MCM10: variants seen among roughly 807,000 people sequenced by gnomAD.
MCM10 encodes protein MCM10 homolog.
MCM10 carries 91 observed loss-of-function variants against 109.9 expected under a neutral mutation model. That is an observed-to-expected ratio of 0.83 (90% CI 0.70 to 0.99). MCM10 has a LOEUF of 0.99. Among genes scored for constraint, MCM10 ranks in the 50% least tolerant of loss-of-function variants. MCM10 has a pLI of 0.00. For synonymous variants in MCM10, 380 were observed against 387.2 expected, an observed-to-expected ratio of 0.98 and a Z score of 0.22; for missense variants, 1,077 against 1,061.2, an observed-to-expected ratio of 1.01 and a Z score of -0.21.
At chr10:13,166,207 A>G (rs1333066545) in intron 2 of MCM10, among the ~76,000 whole-genome samples, 1 of 152,096 alleles carries the variant, frequency 6.6e-6, no homozygotes, top group Non-Finnish European at 1.5e-5. Flanking sequence ...GTGGGACCCA[A>G]TGTAAGAATG....
chr10:13,203,945 A>C (rs997121473), intron 17 of MCM10, among the ~76,000 whole-genome samples: 1 of 152,154 alleles, frequency 6.6e-6, no homozygotes, highest in Non-Finnish European at 1.5e-5. Context: ...TGTTGTCATC[A>C]TGGAACGTGT....
chr10:13,203,517 G>A (rs1183875119), intron 17 of MCM10, among the ~76,000 whole-genome samples: 4 of 152,088 alleles, frequency 2.6e-5, no homozygotes, highest in Admixed American at 6.6e-5. Context: ...GGGTGTGCAC[G>A]TTTTTTAGAG....
intron 13 of MCM10, among the ~76,000 whole-genome samples, chr10:13,192,795 T>C (rs1367182957): frequency 6.6e-6 from 1 of 151,786 alleles, no homozygotes; most frequent in Admixed American, 6.6e-5. Context: ...GTTATCACCA[T>C]GGAAAAGGGA....
At chr10:13,187,981 G>A (rs1407014379) in intron 9 of MCM10, among the ~76,000 whole-genome samples, 1 of 152,024 alleles carries the variant, frequency 6.6e-6, no homozygotes, top group Non-Finnish European at 1.5e-5. Flanking sequence ...CCCGTCTCCA[G>A]TAAAAATACA....
intron 15 of MCM10, among the ~76,000 whole-genome samples, chr10:13,198,283 C>A (rs1834449799): frequency 6.6e-6 from 1 of 152,064 alleles, no homozygotes; most frequent in South Asian, 2.1e-4. Context: ...CTCATTGGAT[C>A]TTTGTACATA....
At chr10:13,190,785 A>T (rs1397037222) in intron 10 of MCM10, among the ~76,000 whole-genome samples, 2 of 145,570 alleles carry the variant, frequency 1.4e-5, no homozygotes, top group African/African-American at 2.4e-5. Flanking sequence ...ATGAGATCAT[A>T]TTGTTCCTAT....
chr10:13,180,113 T>C (rs1208118204), intron 6 of MCM10, among the ~76,000 whole-genome samples: 1 of 152,042 alleles, frequency 6.6e-6, no homozygotes, highest in Admixed American at 6.5e-5. Context: ...CATTAGCACA[T>C]GATGGCACAT....
At chr10:13,197,807 G>C in intron 15 of MCM10, 40 bp downstream of exon 15, 1 of 1,582,974 alleles carries the variant, frequency 6.3e-7, no homozygotes, top group Non-Finnish European at 8.6e-7. Flanking sequence ...AAGAGAAACT[G>C]TTTCTAAGGG....
intron 2 of MCM10, among the ~76,000 whole-genome samples, chr10:13,165,704 A>G (rs1833987144): frequency 6.6e-6 from 1 of 151,918 alleles, no homozygotes; most frequent in African/African-American, 2.4e-5. Context: ...GTGAAACCCC[A>G]TTTCTACTAA....
At chr10:13,208,460 T>C (rs1346955055) in intron 18 of MCM10, among the ~76,000 whole-genome samples, 1 of 149,906 alleles carries the variant, frequency 6.7e-6, no homozygotes, top group Admixed American at 6.7e-5. Flanking sequence ...CTGGGCACAG[T>C]GGCTCACGCC....
intron 11 of MCM10, 25 bp downstream of exon 11, chr10:13,191,424 T>C (rs754448048): frequency 6.3e-7 from 1 of 1,586,996 alleles, no homozygotes; most frequent in Non-Finnish European, 8.7e-7. Context: ...CCATAAGAAA[T>C]TTCTTTCTCC....
chr10:13,209,579 C>A lies in MCM10; in HGVS notation c.*269C>A. Reference sequence around the variant, plus strand: ...ATTACTTCATTCACTGAAGTTTTTGCCCAAAAATTGGAAGGTAAACAGAGA... The same window carrying A: ...ATTACTTCATTCACTGAAGTTTTTGACCAAAAATTGGAAGGTAAACAGAGA... On this transcript the variant is annotated 3_prime_UTR_variant, in exon 20 of 20. Coordinates refer to ENST00000378714, the MANE Select transcript of MCM10 (RefSeq NM_018518.5). 2.0e-6 allele frequency: 1 copy of A among 490,144 alleles called. No homozygotes were observed. Among genetic ancestry groups the A allele is most frequent in the South Asian group, 2.6e-5 (1 of 38,456 alleles). 30.4% of individuals were successfully genotyped at this position (490,144 alleles called of 1,614,324 possible). A position where few individuals can be genotyped will look rare whatever the true frequency, so the allele number is the denominator to read the frequency against.
chr10:13,190,208 A>T (rs1420298867), intron 10 of MCM10, among the ~76,000 whole-genome samples: 1 of 152,220 alleles, frequency 6.6e-6, no homozygotes, highest in Non-Finnish European at 1.5e-5. Flanking sequence ...TCCAGCAGGA[A>T]TGGGGCAAGA....
In MCM10 at chr10:13,191,343, G is replaced by A; in HGVS notation, c.1460G>A (p.Ser487Asn). The A allele has an allele frequency of 3.7e-6, 6 of 1,614,130 alleles. No homozygotes were observed. Among genetic ancestry groups the A allele is most frequent in the Non-Finnish European group, 5.1e-6 (6 of 1,180,006 alleles). ...AAGAAGAAGATTCAAACCACTCTGAGTAATCTGGTTGTTAAGGGCACAAAC... is the reference window on the plus strand; with the variant it reads ...AAGAAGAAGATTCAAACCACTCTGAATAATCTGGTTGTTAAGGGCACAAAC... ...APKKKIQTTLSNLVVKGTNLI... is the reference protein window; with the variant it reads ...APKKKIQTTLNNLVVKGTNLI... The change falls in exon 11 of 20, where the codon AGT becomes AAT. Residue 487 changes from serine to asparagine, a missense_variant. By Grantham distance (46) the Ser-to-Asn change is conservative. Transcript: ENST00000378714.
At position 13,187,918 on chromosome 10, in the gene MCM10, G is replaced by A. The variant is rs371420558; in HGVS notation, c.1216-963G>A. Among the ~76,000 whole-genome samples the A allele has an allele frequency of 1.7e-3, 266 of 152,248 alleles. 1 individual carries two copies. The highest frequency in any genetic ancestry group is 5.9e-3 in the African/African-American group (246 of 41,536). On this transcript the variant is annotated intron_variant, in intron 9 of 19. Transcript: ENST00000378714. Reference sequence around the variant, plus strand: ...CCTGCACTTTGGGTGGCCGAAGTGGGCCGATCACTTGAGGCCAGGAGTTCA... The same window carrying A: ...CCTGCACTTTGGGTGGCCGAAGTGGACCGATCACTTGAGGCCAGGAGTTCA...
At chr10:13,195,582 GTTTATTTATTTATTTATTTATTTA>G (rs71386164) in intron 14 of MCM10, 5 of 148,418 alleles carry the variant, frequency 3.4e-5, no homozygotes, top group African/African-American at 1.0e-4. Flanking sequence ...CTTTTTTTAC[GTTTATTTATTTATTTATTTATTTA>G]TTTATTTATT....
chr10:13,196,006 T>C (rs1834416065), intron 14 of MCM10, among the ~76,000 whole-genome samples: 1 of 151,976 alleles, frequency 6.6e-6, no homozygotes, highest in South Asian at 2.1e-4. Context: ...CAGGATCGAT[T>C]CATCCACCTG....
chr10:13,164,804 A>G (rs1833972991), intron 2 of MCM10, among the ~76,000 whole-genome samples: 1 of 152,090 alleles, frequency 6.6e-6, no homozygotes, highest in South Asian at 2.1e-4. Flanking sequence ...CACGCCTGTG[A>G]TCTCAACACT....
At chr10:13,171,799 G>A (rs1430604758) in intron 3 of MCM10, among the ~76,000 whole-genome samples, 1 of 150,254 alleles carries the variant, frequency 6.7e-6, no homozygotes, top group African/African-American at 2.5e-5. Context: ...GATTCTTGCT[G>A]TGTCACCCAG....
Sources: allele counts gnomAD v4.1 joint callset (sites outside exome capture counted in the v4.1 genomes callset), GRCh38; gene constraint gnomAD v4.1.1; transcripts MANE v1.5; gene names NCBI Gene and HGNC (gene_info 2026-07-23, HGNC 2026-07-21).